BAZ2B: variants seen among roughly 807,000 people sequenced by gnomAD.
BAZ2B encodes bromodomain adjacent to zinc finger domain 2B.
In BAZ2B, 91 loss-of-function variants were observed where a neutral mutation model predicts 246.0. The ratio of observed to expected loss-of-function variants is 0.37; its 90% CI spans 0.31 to 0.44. BAZ2B has a LOEUF of 0.44. Among genes scored for constraint, BAZ2B ranks in the 20% least tolerant of loss-of-function variants. The pLI is 1.00. For synonymous variants in BAZ2B, 855 were observed against 860.0 expected, an observed-to-expected ratio of 0.99 and a Z score of 0.10; for missense variants, 2,332 against 2,533.7, an observed-to-expected ratio of 0.92 and a Z score of 1.71.
chr2:159,681,337 TAAAGA>T, the BAZ2B span, among the ~76,000 whole-genome samples: 1 of 148,450 alleles, frequency 6.7e-6, no homozygotes, highest in African/African-American at 2.5e-5. Context: ...TTCAAAGAAA[TAAAGA>T]ATTCAAATTC....
At chr2:159,375,486 T>C (rs2061326633) in intron 25 of BAZ2B, among the ~76,000 whole-genome samples, 1 of 152,180 alleles carries the variant, frequency 6.6e-6, no homozygotes, top group African/African-American at 2.4e-5. Flanking sequence ...CAAGATGAGT[T>C]TAAGGCTAGA....
At chr2:159,644,216 T>A in the BAZ2B span, among the ~76,000 whole-genome samples, 2 of 152,190 alleles carry the variant, frequency 1.3e-5, no homozygotes, top group African/African-American at 4.8e-5. Flanking sequence ...AGCTATATGC[T>A]TCAAAAATAC....
chr2:159,367,842 C>T (rs1204877965), intron 27 of BAZ2B, among the ~76,000 whole-genome samples: 2 of 151,922 alleles, frequency 1.3e-5, no homozygotes, highest in South Asian at 2.1e-4. Flanking sequence ...GAGCCAAGAT[C>T]GCGCCACTGC....
chr2:159,634,922 A>C, the BAZ2B span, among the ~76,000 whole-genome samples: 5 of 152,194 alleles, frequency 3.3e-5, no homozygotes, highest in Non-Finnish European at 5.9e-5. Context: ...ATCCAAAGAG[A>C]GGCGAATTAT....
In BAZ2B at chr2:159,404,681, T is replaced by C. The variant is rs561426050; in HGVS notation, c.2832+168A>G. ...TTAAACACTTGGAAGTAGAAGACTT[T>C]ATTAAAAAGGTAAAATTTTAATTAA... On this transcript the variant is annotated intron_variant, in intron 16 of 36. Transcript: ENST00000392783. 1.2e-5 allele frequency: 7 copies of C among 584,572 alleles called. No individual in the cohort carries two copies. The South Asian group carries it at 1.8e-4, about 15-fold the overall frequency. 36.2% of individuals were successfully genotyped at this position (584,572 alleles called of 1,614,324 possible). A position where few individuals can be genotyped will look rare whatever the true frequency, so the allele number is the denominator to read the frequency against.
At chr2:159,504,872 C>T (rs1357402638) in intron 2 of BAZ2B, among the ~76,000 whole-genome samples, 1 of 152,186 alleles carries the variant, frequency 6.6e-6, no homozygotes, top group Admixed American at 6.5e-5. Context: ...CAAAGTTCTA[C>T]ATGAACTTAT....
chr2:159,366,739 G>A (rs944470681), intron 27 of BAZ2B, among the ~76,000 whole-genome samples: 16 of 152,210 alleles, frequency 1.1e-4, no homozygotes, highest in Non-Finnish European at 1.9e-4. Context: ...TATGCAGCCA[G>A]ATTGCTCATG....
At chr2:159,529,980 T>TA (rs906672182) in intron 2 of BAZ2B, among the ~76,000 whole-genome samples, 1 of 152,170 alleles carries the variant, frequency 6.6e-6, no homozygotes, top group Admixed American at 6.5e-5. Flanking sequence ...TTTTATCCTT[T>TA]AAAAAAAGTG....
Position 159,519,210 on chromosome 2 carries a change from C to CTTTTTTTTTTT in BAZ2B, c.-3+36602_-3+36612dup, listed in dbSNP as rs564614568. ...AAATTCCAACTTCATATTCTATTTT[C>CTTTTTTTTTTT]TTTTTTTTTTTTTTTTTTTTTTTTT... On this transcript the variant is annotated intron_variant, in intron 2 of 36. Coordinates refer to ENST00000392783, the MANE Select transcript of BAZ2B (RefSeq NM_013450.4). Among the ~76,000 whole-genome samples, 123 of 57,780 alleles carry CTTTTTTTTTTT rather than the reference C, an allele frequency of 2.1e-3. 19 individuals carry two copies. The highest frequency in any genetic ancestry group is 4.0e-3 in the African/African-American group (67 of 16,622). The allele number at this position is 57,780 out of a possible 152,430, so 37.9% of individuals were successfully genotyped here. A position where few individuals can be genotyped will look rare whatever the true frequency, so the allele number is the denominator to read the frequency against.
intron 2 of BAZ2B, among the ~76,000 whole-genome samples, chr2:159,494,937 TAAAC>T (rs2080908570): frequency 6.6e-6 from 1 of 152,094 alleles, no homozygotes; most frequent in African/African-American, 2.4e-5. Flanking sequence ...AATGCTGAGT[TAAAC>T]AGATTCTTAC....
rs1026412683 is a variant in BAZ2B, at chr2:159,426,721, T to C, written c.2466+1220A>G. ...TTACATGATGTATGCAAAAGATTACTTTTTCAGAAACCTTGAGTTCTAGTT... is the reference window on the plus strand; with the variant it reads ...TTACATGATGTATGCAAAAGATTACCTTTTCAGAAACCTTGAGTTCTAGTT... On this transcript the variant is annotated intron_variant, in intron 13 of 36. Coordinates refer to ENST00000392783, the MANE Select transcript of BAZ2B (RefSeq NM_013450.4). 5.9e-5 allele frequency among the ~76,000 whole-genome samples: 9 copies of C among 152,294 alleles called. No homozygotes were observed. In the South Asian group the frequency reaches 8.3e-4, roughly 14 times the overall value.
intron 4 of BAZ2B, among the ~76,000 whole-genome samples, chr2:159,450,003 T>A (rs990061502): frequency 1.3e-5 from 2 of 152,104 alleles, no homozygotes; most frequent in Non-Finnish European, 2.9e-5. Context: ...GAGACCCTGT[T>A]GCTATAAAAA....
Position 159,336,639 on chromosome 2 carries a change from C to T in BAZ2B, c.5796+303G>A, listed in dbSNP as rs143647044. ...AATGGAACTGTTTACTACAGTGAAA[C>T]AGCCTTCAAGATTTAGATTAATAAC... is the stretch of plus-strand genomic sequence containing the variant. On this transcript the variant is annotated intron_variant, in intron 33 of 36. Coordinates refer to ENST00000392783, the MANE Select transcript of BAZ2B (RefSeq NM_013450.4). Among the ~76,000 whole-genome samples the T allele has an allele frequency of 2.5e-3, 386 of 152,232 alleles. 1 individual carries two copies. The highest frequency in any genetic ancestry group is 8.8e-3 in the African/African-American group (364 of 41,546).
Position 159,467,634 on chromosome 2 carries a change from T to C in BAZ2B, c.145+10941A>G, listed in dbSNP as rs376527373. ...CACATGCCACACATCTGTAGTGTCT[T>C]AGGAAAAAATTTTTTTAAATTAAGT... On this transcript the variant is annotated intron_variant, in intron 3 of 36. Coordinates refer to ENST00000392783, the MANE Select transcript of BAZ2B (RefSeq NM_013450.4). Among the ~76,000 whole-genome samples, 242 of 152,308 alleles carry C rather than the reference T, an allele frequency of 1.6e-3. 1 individual carries two copies. The highest frequency in any genetic ancestry group is 5.6e-3 in the African/African-American group (234 of 41,564).
chr2:159,582,456 T>G (rs2151640803), intron 1 of BAZ2B, among the ~76,000 whole-genome samples: 1 of 152,312 alleles, frequency 6.6e-6, no homozygotes, highest in East Asian at 1.9e-4. Context: ...TGGAGTGGTG[T>G]GCGATCACGG....
At chr2:159,416,180 A>G (rs1459508350) in intron 13 of BAZ2B, among the ~76,000 whole-genome samples, 2 of 152,232 alleles carry the variant, frequency 1.3e-5, no homozygotes, top group East Asian at 1.9e-4. Context: ...TCATATATAC[A>G]TATGCTAAAA....
chr2:159,505,223 G>A (rs1006379485), intron 2 of BAZ2B, among the ~76,000 whole-genome samples: 20 of 152,144 alleles, frequency 1.3e-4, no homozygotes, highest in Admixed American at 3.3e-4. Context: ...GTGTCATCTC[G>A]TAGTTTTTCA....
At chr2:159,596,346 T>C (rs1344742911) in intron 1 of BAZ2B, among the ~76,000 whole-genome samples, 1 of 152,222 alleles carries the variant, frequency 6.6e-6, no homozygotes, top group Non-Finnish European at 1.5e-5. Context: ...ATTTTAGTAT[T>C]TTTATAAAAA....
chr2:159,397,065 T>C (rs2064133946), intron 19 of BAZ2B: 22 of 1,396,482 alleles, frequency 1.6e-5, no homozygotes, highest in Non-Finnish European at 1.9e-5. Flanking sequence ...AAAATAAACA[T>C]ACCCATACCA....
Sources: gnomAD v4.1 joint callset for allele counts (sites outside exome capture counted in the v4.1 genomes callset) on GRCh38, gnomAD v4.1.1 for gene constraint, MANE v1.5 for transcripts, NCBI Gene and HGNC (gene_info 2026-07-23, HGNC 2026-07-21) for gene names.